Variants in SLC35F3 observed in about 807,000 individuals in gnomAD.
The protein encoded by SLC35F3 is solute carrier family 35 member F3.
SLC35F3 carries 25 observed loss-of-function variants against 49.9 expected under a neutral mutation model. The ratio of observed to expected loss-of-function variants is 0.50; its 90% CI spans 0.37 to 0.70. SLC35F3 has a LOEUF of 0.70. SLC35F3 is among the 30% of genes least tolerant of loss of function. The pLI, the probability that SLC35F3 is intolerant of heterozygous loss-of-function variation, is 0.00. For missense variants in SLC35F3, 525 were observed against 639.8 expected, an observed-to-expected ratio of 0.82 and a Z score of 1.94; for synonymous variants, 275 against 265.4, an observed-to-expected ratio of 1.04 and a Z score of -0.35.
At chr1:234,079,738 A>G (rs1664846764) in intron 2 of SLC35F3, among the ~76,000 whole-genome samples, 1 of 152,230 alleles carries the variant, frequency 6.6e-6, no homozygotes, top group African/African-American at 2.4e-5. Flanking sequence ...CTAGAATAAA[A>G]CTTTCTTTAA....
intron 3 of SLC35F3, among the ~76,000 whole-genome samples, chr1:234,232,801 A>G (rs1001274991): frequency 2.6e-5 from 4 of 152,312 alleles, no homozygotes; most frequent in African/African-American, 4.8e-5. Flanking sequence ...AGGTTTGGAA[A>G]TGGAGGTCTA....
chr1:233,975,514 T>C (rs1485167427), intron 2 of SLC35F3, among the ~76,000 whole-genome samples: 1 of 152,260 alleles, frequency 6.6e-6, no homozygotes, highest in Non-Finnish European at 1.5e-5. Context: ...CAAGTTGCTC[T>C]TTCCCCATTT....
intron 2 of SLC35F3, among the ~76,000 whole-genome samples, chr1:233,921,501 C>T (rs1377304667): frequency 6.6e-6 from 1 of 152,166 alleles, no homozygotes; most frequent in Non-Finnish European, 1.5e-5. Flanking sequence ...AGTATCATAA[C>T]GAATAGTTTC....
intron 2 of SLC35F3, among the ~76,000 whole-genome samples, chr1:233,958,541 A>G (rs1662742533): frequency 6.6e-6 from 1 of 152,240 alleles, no homozygotes; most frequent in Non-Finnish European, 1.5e-5. Context: ...ACCAAGTGAC[A>G]TCTGATATCT....
chr1:234,247,494 G>T (rs1430773440), intron 3 of SLC35F3, among the ~76,000 whole-genome samples: 2 of 151,464 alleles, frequency 1.3e-5, no homozygotes, highest in African/African-American at 4.9e-5. Flanking sequence ...TTGCTTGGCT[G>T]GTCCATTGTT....
At chr1:233,966,328 A>G (rs1662905827) in intron 2 of SLC35F3, among the ~76,000 whole-genome samples, 1 of 152,214 alleles carries the variant, frequency 6.6e-6, no homozygotes, top group South Asian at 2.1e-4. Flanking sequence ...GGACAGGGAT[A>G]CCCTAATCAG....
intron 3 of SLC35F3, among the ~76,000 whole-genome samples, chr1:234,289,536 C>A (rs536148414): frequency 2.0e-5 from 3 of 152,256 alleles, no homozygotes; most frequent in African/African-American, 7.2e-5. Context: ...GCCTATCAGA[C>A]CAGCGTTATG....
At chr1:234,120,858 G>A (rs17571381) in intron 2 of SLC35F3, among the ~76,000 whole-genome samples, 20,585 of 152,204 alleles carry the variant, frequency 0.14, 3,067 homozygotes, top group East Asian at 0.81. Flanking sequence ...GATCTTTTAA[G>A]CATTCACTAA....
chr1:234,094,307 C>T (rs1665086888), intron 2 of SLC35F3, among the ~76,000 whole-genome samples: 1 of 152,220 alleles, frequency 6.6e-6, no homozygotes, highest in Non-Finnish European at 1.5e-5. Context: ...AATTCAGCAG[C>T]AGAATCCAAC....
chr1:234,314,108 G>A (rs893674521), intron 4 of SLC35F3, among the ~76,000 whole-genome samples: 2 of 152,184 alleles, frequency 1.3e-5, no homozygotes, highest in African/African-American at 4.8e-5. Context: ...TGCCTTGTGG[G>A]CGGGACCCCC....
intron 2 of SLC35F3, among the ~76,000 whole-genome samples, chr1:233,917,078 A>G (rs377475621): frequency 3.4e-4 from 52 of 152,342 alleles, no homozygotes; most frequent in East Asian, 3.3e-3. Flanking sequence ...GTTATTTCCT[A>G]GAAAATAACA....
intron 2 of SLC35F3, among the ~76,000 whole-genome samples, chr1:234,140,001 A>AAATAAAAT (rs1489476462): frequency 7.0e-6 from 1 of 142,216 alleles, no homozygotes; most frequent in African/African-American, 2.5e-5. Flanking sequence ...AAATAAAATA[A>AAATAAAAT]AGTAAGTGAC....
At chr1:233,935,178 T>G (rs1469590846) in intron 2 of SLC35F3, among the ~76,000 whole-genome samples, 1 of 148,384 alleles carries the variant, frequency 6.7e-6, no homozygotes, top group African/African-American at 2.5e-5. Flanking sequence ...ATGAGCTGGG[T>G]TTTCCTTGCC....
chr1:234,230,390 CTCA>C (rs1667349438), intron 2 of SLC35F3, among the ~76,000 whole-genome samples: 1 of 151,322 alleles, frequency 6.6e-6, no homozygotes, highest in African/African-American at 2.5e-5. Context: ...ATATTCAGGA[CTCA>C]TCTCCTCCCC....
chr1:234,127,314 C>T (rs1665664368), intron 2 of SLC35F3, among the ~76,000 whole-genome samples: 1 of 152,184 alleles, frequency 6.6e-6, no homozygotes, highest in Admixed American at 6.5e-5. Context: ...TTATGAAGTA[C>T]TCTTGCATTC....
intron 2 of SLC35F3, among the ~76,000 whole-genome samples, chr1:234,073,915 G>T (rs1326704381): frequency 1.3e-5 from 2 of 152,106 alleles, no homozygotes; most frequent in African/African-American, 4.8e-5. Flanking sequence ...TTTTAAGTGT[G>T]CATTCGATCG....
chr1:234,167,160 C>T (rs1335497758), intron 2 of SLC35F3, among the ~76,000 whole-genome samples: 2 of 152,226 alleles, frequency 1.3e-5, no homozygotes, highest in Non-Finnish European at 2.9e-5. Flanking sequence ...GGCTCAGACC[C>T]CTTGTGCAAG....
intron 3 of SLC35F3, among the ~76,000 whole-genome samples, chr1:234,264,335 T>C (rs184369776): frequency 7.2e-4 from 109 of 152,332 alleles, no homozygotes; most frequent in African/African-American, 2.3e-3. Flanking sequence ...CTCATTATAA[T>C]ATGATAGCTC....
intron 3 of SLC35F3, among the ~76,000 whole-genome samples, chr1:234,234,508 A>C (rs1162861800): frequency 1.3e-5 from 2 of 152,142 alleles, no homozygotes; most frequent in Non-Finnish European, 2.9e-5. Context: ...CCGCTTTTCT[A>C]GGGAACTTCC....
Sources: gnomAD v4.1 joint callset for allele counts (sites outside exome capture counted in the v4.1 genomes callset) on GRCh38, gnomAD v4.1.1 for gene constraint, MANE v1.5 for transcripts, NCBI Gene and HGNC (gene_info 2026-07-23, HGNC 2026-07-21) for gene names.